SLC24A1: variants seen among roughly 807,000 people sequenced by gnomAD.
SLC24A1 encodes sodium/potassium/calcium exchanger 1.
SLC24A1 carries 52 observed loss-of-function variants against 88.1 expected under a neutral mutation model. The observed-to-expected ratio is 0.59, with a 90% CI of 0.47 to 0.74. The LOEUF (loss-of-function observed/expected upper bound fraction) is 0.74, where lower values mean the gene tolerates loss of function less well. Ranked by LOEUF, SLC24A1 falls within the 30% of genes least tolerant of loss-of-function variation. The pLI is 0.00. For synonymous variants in SLC24A1, 455 were observed against 498.0 expected (o/e 0.91, Z 1.15); for missense variants, 1,173 against 1,363.3 (o/e 0.86, Z 2.20).
Position 65,639,662 on chromosome 15 carries a change from T to A in SLC24A1, c.2012T>A (p.Ile671Asn). The change falls in exon 4 of 10, where the codon ATC (isoleucine) becomes AAC (asparagine). Residue 671 changes from isoleucine (I) to asparagine (N), a missense_variant. Ile to Asn is a moderately radical substitution (Grantham distance 149). Coordinates refer to ENST00000261892, the MANE Select transcript of SLC24A1 (RefSeq NM_004727.3). ...SLHNSTIRST[I>N]YQLMLHSLDP... ...CACAACAGCACCATCCGCAGCACCA[T>A]CTACCAGCTCATGCTCCACAGCCTG... is the stretch of plus-strand genomic sequence containing the variant. 1 of 1,613,186 alleles carries A rather than the reference T, an allele frequency of 6.2e-7. No individual in the cohort carries two copies. The highest frequency in any genetic ancestry group is 8.5e-7 in the Non-Finnish European group (1 of 1,179,594).
intron 2 of SLC24A1, among the ~76,000 whole-genome samples, chr15:65,614,957 G>A (rs1022608595): frequency 2.6e-5 from 4 of 152,206 alleles, no homozygotes; most frequent in African/African-American, 9.6e-5. Flanking sequence ...GCCTAGAGTG[G>A]TGGCTCTCAG....
chr15:65,653,545 A>T lies in SLC24A1; in HGVS notation c.3051-285A>T, dbSNP rs1384053103. ...AAAAAGGCACACATCAACTGATCTGAGTCATATAGAAGTCATGAAGTATGC... is the reference window on the plus strand; with the variant it reads ...AAAAAGGCACACATCAACTGATCTGTGTCATATAGAAGTCATGAAGTATGC... On this transcript the variant is annotated intron_variant, in intron 9 of 9. Coordinates refer to ENST00000261892, the MANE Select transcript of SLC24A1 (RefSeq NM_004727.3). Among the ~76,000 whole-genome samples the T allele has an allele frequency of 4.6e-5, 7 of 151,952 alleles. No homozygotes were observed. The East Asian group carries it at 1.4e-3, about 29-fold the overall frequency.
intron 6 of SLC24A1, among the ~76,000 whole-genome samples, chr15:65,648,294 G>A (rs537366759): frequency 1.3e-5 from 2 of 151,932 alleles, no homozygotes; most frequent in South Asian, 2.1e-4. Context: ...TGATTTTAAT[G>A]TGCAGCACAA....
rs1403809325 is a variant in SLC24A1, at chr15:65,624,755, T to C, written c.675T>C (p.Ile225=). 6.2e-6 allele frequency: 10 copies of C among 1,613,624 alleles called. No individual in the cohort carries two copies. The Admixed American group carries it at 1.3e-4, about 22-fold the overall frequency. ...GGACAACAGTGAAAGACAGTGACAT[T>C]ACAGCAACCTATAAAATACTCGAAA... ...TPRTTVKDSD[I]TATYKILETN... Residue 225 remains isoleucine, a synonymous_variant, in exon 2 of 10, where the codon ATT becomes ATC. Transcript: ENST00000261892.
In SLC24A1 at chr15:65,625,251, G is replaced by C. The variant is rs377117199; in HGVS notation, c.1171G>C (p.Val391Leu). Residue 391 changes from valine (V) to leucine (L), a missense_variant, in exon 2 of 10, where the codon GTC becomes CTC. Transcript: ENST00000261892. ...GGTCAGGGCAAAGCTGACCATGCAG[G>C]TCCATCACTGTGTGGTTGTGAAGCC... ...PTVRAKLTMQ[V>L]HHCVVVKPTP... 6.2e-7 allele frequency: 1 copy of C among 1,613,748 alleles called. No homozygotes were observed.
At chr15:65,646,372 CG>C (rs1475840387) in intron 6 of SLC24A1, among the ~76,000 whole-genome samples, 1 of 152,116 alleles carries the variant, frequency 6.6e-6, no homozygotes, top group Non-Finnish European at 1.5e-5. Flanking sequence ...CCACCACGCC[CG>C]GCCGTCTCCA....
chr15:65,616,906 G>A (rs1265060881), intron 2 of SLC24A1, among the ~76,000 whole-genome samples: 10 of 152,156 alleles, frequency 6.6e-5, no homozygotes, highest in Non-Finnish European at 1.5e-5. Flanking sequence ...TTTTGTATAA[G>A]GTGTAAGGAA....
chr15:65,618,368 C>T (rs191703895), upstream of SLC24A1, among the ~76,000 whole-genome samples: 4 of 152,218 alleles, frequency 2.6e-5, no homozygotes, highest in East Asian at 7.7e-4. Flanking sequence ...TTGGTCATCA[C>T]CTTCATTCCT....
chr15:65,646,702 A>G (rs2075312985), intron 6 of SLC24A1, among the ~76,000 whole-genome samples: 1 of 152,190 alleles, frequency 6.6e-6, no homozygotes, highest in Non-Finnish European at 1.5e-5. Flanking sequence ...TGCCTGGTGC[A>G]CAGCTGGCTC....
chr15:65,613,650 A>G (rs915471955), intron 2 of SLC24A1, among the ~76,000 whole-genome samples: 8 of 151,842 alleles, frequency 5.3e-5, no homozygotes, highest in African/African-American at 1.9e-4. Context: ...ATGCCTGGCT[A>G]ATTTTTAAAT....
At chr15:65,636,307 G>A (rs750420405) in intron 2 of SLC24A1, among the ~76,000 whole-genome samples, 16 of 152,102 alleles carry the variant, frequency 1.1e-4, no homozygotes, top group South Asian at 2.1e-4. Context: ...ACAAAAAAAC[G>A]TAGCCAGTCA....
chr15:65,648,366 T>G (rs996084694), intron 6 of SLC24A1, among the ~76,000 whole-genome samples: 1 of 152,180 alleles, frequency 6.6e-6, no homozygotes, highest in Non-Finnish European at 1.5e-5. Flanking sequence ...ACAGACAACA[T>G]ATTTACTCCA....
chr15:65,626,833 A>C (rs1467409041), intron 2 of SLC24A1, among the ~76,000 whole-genome samples: 1 of 152,066 alleles, frequency 6.6e-6, no homozygotes, highest in Non-Finnish European at 1.5e-5. Flanking sequence ...GGCACATACC[A>C]CCACACCCGG....
chr15:65,658,200 A>C (rs2075744940), downstream of SLC24A1: 1 of 152,232 alleles, frequency 6.6e-6, no homozygotes, highest in Admixed American at 6.5e-5. Context: ...GCTTACTTTG[A>C]GGCCAAAGGA....
chr15:65,650,444 T>C lies in SLC24A1; in HGVS notation c.2295T>C (p.Gly765=). The part of the protein sequence containing the change: ...EMPGEEGETA[G]EGETEEKSGG... Reference sequence around the variant, plus strand: ...CAGGCGAAGAGGGCGAAACTGCTGGTGAAGGTGAAACTGAAGAGAAAAGTG... The same window carrying C: ...CAGGCGAAGAGGGCGAAACTGCTGGCGAAGGTGAAACTGAAGAGAAAAGTG... Residue 765 remains glycine (G), a synonymous_variant, in exon 7 of 10, where the codon GGT becomes GGC. Coordinates refer to ENST00000261892, the MANE Select transcript of SLC24A1 (RefSeq NM_004727.3). The surrounding 1 kb of genome is among the most constrained non-coding windows in gnomAD (Gnocchi z 4.1). 6.4e-7 allele frequency: 1 copy of C among 1,551,408 alleles called. No individual in the cohort carries two copies. Among genetic ancestry groups the C allele is most frequent in the Non-Finnish European group, 8.7e-7 (1 of 1,146,964 alleles).
At chr15:65,639,568 C>T in intron 3 of SLC24A1, 27 bp from the exon 4 acceptor site, 1 of 1,032,350 alleles carries the variant, frequency 9.7e-7, no homozygotes, top group Non-Finnish European at 1.3e-6. Context: ...GGACAGGGGC[C>T]CACTGTGCGG....
In SLC24A1 at chr15:65,624,766, A is replaced by G. The variant is rs774962423; in HGVS notation, c.686A>G (p.Tyr229Cys). 2.4e-5 allele frequency: 38 copies of G among 1,613,778 alleles called. No individual in the cohort carries two copies. The highest frequency in any genetic ancestry group is 3.1e-5 in the Non-Finnish European group (36 of 1,179,824). The change falls in exon 2 of 10, where the codon TAT (tyrosine) becomes TGT (cysteine). Residue 229 changes from tyrosine (Y) to cysteine (C), a missense_variant. Coordinates refer to ENST00000261892, the MANE Select transcript of SLC24A1 (RefSeq NM_004727.3). ...TVKDSDITAT[Y>C]KILETNSLKR... ...AAAGACAGTGACATTACAGCAACCT[A>G]TAAAATACTCGAAACCAACTCTCTT...
At position 65,625,063 on chromosome 15, in the gene SLC24A1, T is replaced by C. The variant is rs1302796174; in HGVS notation, c.983T>C (p.Met328Thr). 6.2e-7 allele frequency: 1 copy of C among 1,613,624 alleles called. No individual in the cohort carries two copies. Among genetic ancestry groups the C allele is most frequent in the East Asian group, 2.2e-5 (1 of 44,896 alleles). Residue 328 changes from methionine to threonine, a missense_variant, in exon 2 of 10, where the codon ATG (methionine) becomes ACG (threonine). Coordinates refer to ENST00000261892, the MANE Select transcript of SLC24A1 (RefSeq NM_004727.3). ...TSEGQVTIST[M>T]TGSSPAETKA... ...GAGGGGCAGGTGACAATAAGCACCATGACAGGCAGCAGCCCAGCAGAAACC... is the reference window on the plus strand; with the variant it reads ...GAGGGGCAGGTGACAATAAGCACCACGACAGGCAGCAGCCCAGCAGAAACC...
chr15:65,657,592 C>T (rs565278079), downstream of SLC24A1, among the ~76,000 whole-genome samples: 28 of 152,178 alleles, frequency 1.8e-4, no homozygotes, highest in African/African-American at 6.0e-4. Flanking sequence ...TGCAGTGAGC[C>T]GAGATCGTGC....
Sources: allele counts gnomAD v4.1 joint callset (sites outside exome capture counted in the v4.1 genomes callset), GRCh38; gene constraint gnomAD v4.1.1; non-coding constraint Gnocchi (gnomAD v3.1); transcripts MANE v1.5; gene names NCBI Gene and HGNC (gene_info 2026-07-23, HGNC 2026-07-21).